The following ATP6V1E2 variants were observed in gnomAD, a reference collection of about 807,000 sequenced individuals.
ATP6V1E2 encodes ATPase H+ transporting V1 subunit E2, also known as V-type proton ATPase subunit E 2.
For synonymous variants in ATP6V1E2, 121 were observed against 104.2 expected, an observed-to-expected ratio of 1.16 and a Z score of -0.98; for missense variants, 308 against 273.3, an observed-to-expected ratio of 1.13 and a Z score of -0.90.
At position 46,530,484 on chromosome 2, in the gene ATP6V1E2, G is replaced by A. The variant is rs1003611187; in HGVS notation, c.-102+5329C>T. On this transcript the variant is annotated intron_variant, in intron 4 of 4. Transcript: ENST00000522587. This position sits in a 1 kb window ranked among gnomAD's most constrained non-coding sequence, Gnocchi z 5.2. ...AACACAAAGGTTCTCATTATTACCC[G>A]CTTTCCCTGGCCACCTGCCCTGCAC... Among the ~76,000 whole-genome samples, 3 of 152,076 alleles carry A rather than the reference G, an allele frequency of 2.0e-5. No individual in the cohort carries two copies. The highest frequency in any genetic ancestry group is 4.8e-5 in the African/African-American group (2 of 41,408).
At chr2:46,531,262 T>C (rs1272684536) in intron 4 of ATP6V1E2, among the ~76,000 whole-genome samples, 4 of 152,242 alleles carry the variant, frequency 2.6e-5, no homozygotes, top group Non-Finnish European at 5.9e-5. Flanking sequence ...GGATATTTCA[T>C]GTAAATGGAA....
At chr2:46,514,798 A>G (rs1687642164) in intron 4 of ATP6V1E2, among the ~76,000 whole-genome samples, 1 of 152,164 alleles carries the variant, frequency 6.6e-6, no homozygotes, top group African/African-American at 2.4e-5. Context: ...CAGATTCAAG[A>G]AGTCTAACGG....
In ATP6V1E2 at chr2:46,512,567, G is replaced by A; in HGVS notation, c.145C>T (p.Gln49Ter). 6.2e-7 allele frequency: 1 copy of A among 1,614,134 alleles called. No homozygotes were observed. Among genetic ancestry groups the A allele is most frequent in the Non-Finnish European group, 8.5e-7 (1 of 1,180,014 alleles). The change falls in exon 5 of 5, where the codon CAA becomes TAA. Residue 49 changes from glutamine to a stop codon, truncating the protein, a stop_gained. Transcript: ENST00000522587. LOFTEE classifies it low-confidence loss of function (END_TRUNC). Reference protein sequence around the residue: ...NIEKGRLVQTQRLKIMEYYEK... With the variant: ...NIEKGRLVQT ...TAATACTCCATAATCTTCAGTCGTT[G>A]GGTTTGCACGAGGCGTCCTTTCTCA...
At chr2:46,542,076 G>A (rs937807243) in intron 1 of ATP6V1E2, 141 bp downstream of exon 1, 2 of 152,126 alleles carry the variant, frequency 1.3e-5, no homozygotes, top group African/African-American at 4.8e-5. Flanking sequence ...CGGTTTCATA[G>A]TAAATGATTA....
At position 46,535,659 on chromosome 2, in the gene ATP6V1E2, T is replaced by C. The variant is rs572278561; in HGVS notation, c.-102+154A>G. The C allele has an allele frequency of 6.6e-6, 1 of 152,372 alleles. No individual in the cohort carries two copies. Among genetic ancestry groups the C allele is most frequent in the East Asian group, 1.9e-4 (1 of 5,188 alleles). The allele number at this position is 152,372 out of a possible 1,614,324, so 9.4% of individuals were successfully genotyped here. ...CCACTTCCTGGGTCAGGAACTGAAC[T>C]GTGTACCCACCACTAAAGCTGCAGC... is the stretch of plus-strand genomic sequence containing the variant. On this transcript the variant is annotated intron_variant, in intron 4 of 4. Transcript: ENST00000522587. The surrounding 1 kb of genome is among the most constrained non-coding windows in gnomAD (Gnocchi z 4.4).
intron 4 of ATP6V1E2, among the ~76,000 whole-genome samples, chr2:46,527,333 T>C (rs568710873): frequency 6.6e-6 from 1 of 152,324 alleles, no homozygotes; most frequent in African/African-American, 2.4e-5. Context: ...GCCATTCTCC[T>C]GCCTCAGCCT....
chr2:46,516,847 G>C (rs930120002), intron 4 of ATP6V1E2, among the ~76,000 whole-genome samples: 1 of 151,970 alleles, frequency 6.6e-6, no homozygotes, highest in Non-Finnish European at 1.5e-5. Flanking sequence ...ACAAATAAAT[G>C]GAAAGACATC....
At chr2:46,513,389 C>T (rs994827273) in intron 4 of ATP6V1E2, among the ~76,000 whole-genome samples, 2 of 152,200 alleles carry the variant, frequency 1.3e-5, no homozygotes, top group African/African-American at 2.4e-5. Flanking sequence ...AATGTGCATT[C>T]TGCTGCTGTT....
At position 46,536,717 on chromosome 2, in the gene ATP6V1E2, C is replaced by A. The variant is rs1427819916; in HGVS notation, c.-309-14G>T. The stretch of plus-strand genomic sequence containing the variant: ...TTGACAATCCACCTGAAATTTGGAA[C>A]AAATCACAGATTAGATTTGGAGCCA... On this transcript the variant is annotated splice_polypyrimidine_tract_variant and intron_variant, in intron 2 of 4. Transcript: ENST00000522587. The A allele has an allele frequency of 6.6e-6, 1 of 152,080 alleles. No individual in the cohort carries two copies. The highest frequency in any genetic ancestry group is 6.5e-5 in the Admixed American group (1 of 15,282). 9.4% of individuals were successfully genotyped at this position (152,080 alleles called of 1,614,324 possible). A position where few individuals can be genotyped will look rare whatever the true frequency, so the allele number is the denominator to read the frequency against.
At chr2:46,539,351 C>T (rs906334300) in intron 2 of ATP6V1E2, among the ~76,000 whole-genome samples, 39 of 152,226 alleles carry the variant, frequency 2.6e-4, no homozygotes, top group African/African-American at 8.0e-4. Context: ...TCATCTTTTG[C>T]TACATAGACC....
At position 46,535,036 on chromosome 2, in the gene ATP6V1E2, A is replaced by G. The variant is rs1332151668; in HGVS notation, c.-102+777T>C. On this transcript the variant is annotated intron_variant, in intron 4 of 4. Transcript: ENST00000522587. This position sits in a 1 kb window ranked among gnomAD's most constrained non-coding sequence, Gnocchi z 4.4. ...TCTGCCTTGAAAAGTCTGCTCAACT[A>G]TCTCCTCAACTCAGCAAGACCACTA... 1 of 152,104 alleles carries G rather than the reference A, an allele frequency of 6.6e-6. No homozygotes were observed. Among genetic ancestry groups the G allele is most frequent in the Non-Finnish European group, 1.5e-5 (1 of 68,038 alleles). 9.4% of individuals were successfully genotyped at this position (152,104 alleles called of 1,614,324 possible). A position where few individuals can be genotyped will look rare whatever the true frequency, so the allele number is the denominator to read the frequency against.
chr2:46,540,473 T>C (rs944463536), intron 2 of ATP6V1E2, among the ~76,000 whole-genome samples: 18 of 149,926 alleles, frequency 1.2e-4, no homozygotes, highest in African/African-American at 4.2e-4. Context: ...AAAAGAAATT[T>C]CACTGTTCTC....
In ATP6V1E2 at chr2:46,530,894, A is replaced by G. The variant is rs1667150639; in HGVS notation, c.-102+4919T>C. Among the ~76,000 whole-genome samples the G allele has an allele frequency of 6.6e-6, 1 of 152,200 alleles. No homozygotes were observed. The highest frequency in any genetic ancestry group is 1.5e-5 in the Non-Finnish European group (1 of 68,040). On this transcript the variant is annotated intron_variant, in intron 4 of 4. Transcript: ENST00000522587. This position sits in a 1 kb window ranked among gnomAD's most constrained non-coding sequence, Gnocchi z 5.2. ...AACAGCACAGGAAAAACCCAAGCCC[A>G]TGATTCAGTTACTTCCCACCGGGCC...
intron 4 of ATP6V1E2, among the ~76,000 whole-genome samples, chr2:46,529,721 A>G (rs544081233): frequency 1.5e-4 from 23 of 152,216 alleles, no homozygotes; most frequent in African/African-American, 5.5e-4. Flanking sequence ...GTGCCACTGC[A>G]CTCCAGCCTG....
intron 4 of ATP6V1E2, among the ~76,000 whole-genome samples, chr2:46,521,960 G>C (rs1354504173): frequency 6.6e-6 from 1 of 152,098 alleles, no homozygotes; most frequent in Non-Finnish European, 1.5e-5. Flanking sequence ...AAAGTGCTGG[G>C]ATTACAGGTG....
chr2:46,522,107 G>A lies in ATP6V1E2; in HGVS notation c.-101-9295C>T, dbSNP rs188710933. 7.2e-5 allele frequency among the ~76,000 whole-genome samples: 11 copies of A among 152,128 alleles called. No homozygotes were observed. In the East Asian group the frequency reaches 1.7e-3, roughly 24 times the overall value. ...CCAGGAGTTCACAGTGGGCATCACA[G>A]TGGGACCACATCTCTACAAATTTTT... On this transcript the variant is annotated intron_variant, in intron 4 of 4. Transcript: ENST00000522587.
At chr2:46,534,382 C>T (rs1238142581) in intron 4 of ATP6V1E2, 2 of 152,110 alleles carry the variant, frequency 1.3e-5, no homozygotes, top group African/African-American at 4.8e-5. Flanking sequence ...TCCAGAAGTT[C>T]CATTTGGTTA....
intron 4 of ATP6V1E2, among the ~76,000 whole-genome samples, chr2:46,529,931 G>A (rs987212305): frequency 1.3e-5 from 2 of 152,168 alleles, no homozygotes; most frequent in African/African-American, 4.8e-5. Flanking sequence ...TCAGGGTGAT[G>A]CAGTGGCCTG....
intron 4 of ATP6V1E2, among the ~76,000 whole-genome samples, chr2:46,533,218 G>C (rs1224040927): frequency 2.1e-5 from 2 of 94,582 alleles, no homozygotes; most frequent in Non-Finnish European, 5.4e-5. Flanking sequence ...TAGATAGATA[G>C]ATAGATAGAT....
Sources: gnomAD v4.1 joint callset for allele counts (sites outside exome capture counted in the v4.1 genomes callset) on GRCh38, gnomAD v4.1.1 for gene constraint, Gnocchi (gnomAD v3.1) non-coding constraint, MANE v1.5 for transcripts, NCBI Gene and HGNC (gene_info 2026-07-23, HGNC 2026-07-21) for gene names.